BDKRB2: variants seen among roughly 807,000 people sequenced by gnomAD.
BDKRB2 encodes B2 bradykinin receptor.
BDKRB2 carries 6 observed loss-of-function variants against 4.0 expected under a neutral mutation model. The ratio of observed to expected loss-of-function variants is 1.49; its 90% CI spans 0.81 to 2.93. BDKRB2 has a LOEUF of 2.93. Among genes scored for constraint, BDKRB2 ranks in the 30% most tolerant of loss-of-function variants. The probability of loss-of-function intolerance (pLI) is 0.00; values close to 1 mark genes in which losing one functional copy is unlikely to be tolerated. For synonymous variants in BDKRB2, 225 were observed against 215.3 expected (o/e 1.05, Z -0.40); for missense variants, 478 against 520.1 (o/e 0.92, Z 0.79).
At chr14:96,222,998 C>T in intron 1 of BDKRB2, 1 of 649,298 alleles carries the variant, frequency 1.5e-6, no homozygotes, top group African/African-American at 1.8e-5. Context: ...GTAGAACAAA[C>T]AACTGGAAGT....
intron 1 of BDKRB2, among the ~76,000 whole-genome samples, chr14:96,217,227 A>G (rs1395075485): frequency 6.6e-6 from 1 of 152,250 alleles, no homozygotes; most frequent in Non-Finnish European, 1.5e-5. Context: ...AAGAAAAAGG[A>G]CAGCATATGT....
At position 96,229,740 on chromosome 14, in the gene BDKRB2, G is replaced by C. The variant is rs987290805; in HGVS notation, c.-39-7329G>C. 9.2e-5 allele frequency among the ~76,000 whole-genome samples: 14 copies of C among 152,248 alleles called. No homozygotes were observed. In the East Asian group the frequency reaches 2.7e-3, roughly 29 times the overall value. ...CGGGCAGGGGGCAGACCCAGCAAAG[G>C]CTCCTAGGGCAGATTGTAGAAGAGG... is the stretch of plus-strand genomic sequence containing the variant. On this transcript the variant is annotated intron_variant, in intron 1 of 2. Transcript: ENST00000554311.
intron 1 of BDKRB2, among the ~76,000 whole-genome samples, chr14:96,226,176 A>T (rs1374064622): frequency 1.3e-5 from 2 of 152,200 alleles, no homozygotes; most frequent in Non-Finnish European, 2.9e-5. Flanking sequence ...AAGTGGAATG[A>T]GGACATCATG....
chr14:96,218,804 A>G (rs1890485290), intron 1 of BDKRB2, among the ~76,000 whole-genome samples: 2 of 152,052 alleles, frequency 1.3e-5, no homozygotes, highest in South Asian at 4.1e-4. Context: ...CTGTAATCCC[A>G]GCTACTAGGA....
At chr14:96,236,571 T>C (rs1267782365) in intron 1 of BDKRB2, among the ~76,000 whole-genome samples, 1 of 152,164 alleles carries the variant, frequency 6.6e-6, no homozygotes, top group Non-Finnish European at 1.5e-5. Context: ...TCAGTCTCCA[T>C]CATCCCAGGT....
At chr14:96,229,241 G>A (rs1890764503) in intron 1 of BDKRB2, among the ~76,000 whole-genome samples, 1 of 152,158 alleles carries the variant, frequency 6.6e-6, no homozygotes, top group Middle Eastern at 3.2e-3. Context: ...GCAGGAGGCA[G>A]GTAGAGGTGG....
intron 1 of BDKRB2, among the ~76,000 whole-genome samples, chr14:96,236,036 T>G (rs1369195081): frequency 6.6e-6 from 1 of 152,046 alleles, no homozygotes; most frequent in Non-Finnish European, 1.5e-5. Flanking sequence ...ACAGAGCCCA[T>G]GCCTCCCTCC....
intron 1 of BDKRB2, among the ~76,000 whole-genome samples, chr14:96,217,885 C>A (rs550124004): frequency 8.5e-5 from 13 of 152,238 alleles, no homozygotes; most frequent in African/African-American, 2.4e-4. Flanking sequence ...GTCTGCCTTA[C>A]GCTTTTGACC....
At chr14:96,210,153 G>A (rs981129921) in intron 1 of BDKRB2, among the ~76,000 whole-genome samples, 4 of 152,172 alleles carry the variant, frequency 2.6e-5, no homozygotes, top group African/African-American at 9.7e-5. Flanking sequence ...TCATGAGGGT[G>A]AAATACAACA....
chr14:96,227,165 C>G (rs1890715741), intron 1 of BDKRB2, among the ~76,000 whole-genome samples: 1 of 152,162 alleles, frequency 6.6e-6, no homozygotes, highest in South Asian at 2.1e-4. Context: ...TTCTTCTTAA[C>G]TACCAGGAGT....
intron 1 of BDKRB2, among the ~76,000 whole-genome samples, chr14:96,217,354 C>T (rs371574439): frequency 3.3e-5 from 5 of 152,368 alleles, no homozygotes; most frequent in East Asian, 1.9e-4. Flanking sequence ...AGCTAGTCAC[C>T]GCAGACGGTC....
chr14:96,219,484 G>A (rs935338091), intron 1 of BDKRB2, among the ~76,000 whole-genome samples: 14 of 151,872 alleles, frequency 9.2e-5, no homozygotes, highest in Non-Finnish European at 1.6e-4. Flanking sequence ...TTCTGGACAA[G>A]GGTGGGCTTC....
chr14:96,210,419 C>T (rs916561935), intron 1 of BDKRB2, among the ~76,000 whole-genome samples: 1 of 152,196 alleles, frequency 6.6e-6, no homozygotes, highest in Non-Finnish European at 1.5e-5. Context: ...AGAAGGAGGC[C>T]TGATCTCATC....
chr14:96,237,237 G>C, intron 2 of BDKRB2, 56 bp downstream of exon 2: 1 of 1,488,504 alleles, frequency 6.7e-7, no homozygotes, highest in Non-Finnish European at 9.4e-7. Context: ...AGACACCCTG[G>C]AGAACTCCCT....
At chr14:96,215,229 C>T (rs527920281) in intron 1 of BDKRB2, among the ~76,000 whole-genome samples, 1 of 152,276 alleles carries the variant, frequency 6.6e-6, no homozygotes, top group East Asian at 1.9e-4. Context: ...AATTTGGTTA[C>T]CCAGCTTTTT....
rs1885240971 is a variant in BDKRB2, at chr14:96,240,328, G to A, written c.75-75G>A. On this transcript the variant is annotated intron_variant, in intron 2 of 2. Coordinates refer to ENST00000554311, the MANE Select transcript of BDKRB2 (RefSeq NM_001379692.1). ...CCCTGGCTGGTTGTCCTTAACCCCTGTCTCCTTCTGGACCAGTTTTTGTCC... is the reference window on the plus strand; with the variant it reads ...CCCTGGCTGGTTGTCCTTAACCCCTATCTCCTTCTGGACCAGTTTTTGTCC... The A allele has an allele frequency of 4.3e-6, 6 of 1,389,864 alleles. No homozygotes were observed. The African/African-American group carries it at 8.7e-5, about 20-fold the overall frequency. 86.1% of individuals were successfully genotyped at this position (1,389,864 alleles called of 1,614,324 possible).
chr14:96,225,237 C>T (rs11624191), intron 1 of BDKRB2, among the ~76,000 whole-genome samples: 9,694 of 152,202 alleles, frequency 0.064, 442 homozygotes, highest in East Asian at 0.18. Context: ...CCCTCATTCT[C>T]CCAATGAGGA....
chr14:96,241,464 A>G lies in BDKRB2; in HGVS notation c.1136A>G (p.Gln379Arg). 1 of 1,573,894 alleles carries G rather than the reference A, an allele frequency of 6.4e-7. No individual in the cohort carries two copies. The highest frequency in any genetic ancestry group is 8.6e-7 in the Non-Finnish European group (1 of 1,166,840). ...CGGACCTCCATCTCCGTGGAACGCC[A>G]GATTCACAAACTGCAGGACTGGGCA... ...TLRTSISVER[Q>R]IHKLQDWAGS... is the part of the protein sequence containing the mutation. The change falls in exon 3 of 3, where the codon CAG (glutamine) becomes CGG (arginine). Residue 379 changes from glutamine (Q) to arginine (R), a missense_variant. Transcript: ENST00000554311.
chr14:96,216,457 TA>T (rs80252615), intron 1 of BDKRB2, among the ~76,000 whole-genome samples: 2 of 151,334 alleles, frequency 1.3e-5, no homozygotes, highest in African/African-American at 2.4e-5. Context: ...ATCCCATCTT[TA>T]AAAAAAAATT....
Sources: allele counts gnomAD v4.1 joint callset (sites outside exome capture counted in the v4.1 genomes callset), GRCh38; gene constraint gnomAD v4.1.1; transcripts MANE v1.5; gene names NCBI Gene and HGNC (gene_info 2026-07-23, HGNC 2026-07-21).